The following ITGB8 variants were observed in gnomAD, a reference collection of about 807,000 sequenced individuals.
ITGB8 encodes integrin beta-8.
Under a neutral mutation model 89.5 loss-of-function variants are expected in ITGB8, and 30 were observed. The ratio of observed to expected loss-of-function variants is 0.34; its 90% CI spans 0.25 to 0.45. ITGB8 has a LOEUF of 0.45. Ranked by LOEUF, ITGB8 falls within the 20% of genes least tolerant of loss-of-function variation. The pLI is 1.00. For missense variants in ITGB8, 836 were observed against 933.3 expected (o/e 0.90, Z 1.36); for synonymous variants, 335 against 320.4 (o/e 1.05, Z -0.49).
chr7:20,396,762 A>C (rs1261633594), intron 8 of ITGB8, among the ~76,000 whole-genome samples: 1 of 152,216 alleles, frequency 6.6e-6, no homozygotes, highest in Non-Finnish European at 1.5e-5. Context: ...ACTCCAAAAA[A>C]AGTATATAAA....
intron 1 of ITGB8, among the ~76,000 whole-genome samples, chr7:20,359,368 A>C (rs1191971039): frequency 6.6e-6 from 1 of 152,254 alleles, no homozygotes; most frequent in East Asian, 1.9e-4. Flanking sequence ...TGCATATTGC[A>C]ACATCACTAG....
In ITGB8 at chr7:20,401,945, T is replaced by C. The variant is rs1247854681; in HGVS notation, c.1506T>C (p.Asp502=). 1 of 1,614,220 alleles carries C rather than the reference T, an allele frequency of 6.2e-7. No homozygotes were observed. Among genetic ancestry groups the C allele is most frequent in the Non-Finnish European group, 8.5e-7 (1 of 1,180,016 alleles). The part of the protein sequence containing the change: ...FQCDENKCHF[D]EDQFSSESCK... ...GTGATGAGAATAAATGTCATTTTGA[T>C]GAAGATCAGTTTTCTTCTGAGAGTT... The change falls in exon 10 of 14, where the codon GAT becomes GAC. Residue 502 remains aspartate, a synonymous_variant. Coordinates refer to ENST00000222573, the MANE Select transcript of ITGB8 (RefSeq NM_002214.3).
intron 9 of ITGB8, among the ~76,000 whole-genome samples, chr7:20,401,081 TCTCCTGC>T (rs113931991): frequency 0.023 from 3,499 of 152,166 alleles, 113 homozygotes; most frequent in African/African-American, 0.073. Flanking sequence ...TTCAAGCAAT[TCTCCTGC>T]CTCAGCCTCC....
At chr7:20,369,527 T>C (rs1244004617) in intron 3 of ITGB8, among the ~76,000 whole-genome samples, 1 of 152,136 alleles carries the variant, frequency 6.6e-6, no homozygotes, top group Non-Finnish European at 1.5e-5. Context: ...GTCGGCTCCA[T>C]CCTCATGACC....
chr7:20,386,452 G>A (rs914062469), intron 6 of ITGB8, among the ~76,000 whole-genome samples: 30 of 147,108 alleles, frequency 2.0e-4, no homozygotes, highest in African/African-American at 7.6e-4. Context: ...TAGAGACGGG[G>A]TTTCACTGTG....
intron 12 of ITGB8, among the ~76,000 whole-genome samples, chr7:20,407,142 C>T (rs1434920950): frequency 6.6e-6 from 1 of 152,042 alleles, no homozygotes; most frequent in Non-Finnish European, 1.5e-5. Context: ...GCCTTGACAG[C>T]CAATTTATTT....
At chr7:20,341,573 C>T (rs1784756531) in intron 1 of ITGB8, among the ~76,000 whole-genome samples, 1 of 152,124 alleles carries the variant, frequency 6.6e-6, no homozygotes, top group South Asian at 2.1e-4. Context: ...TATCCAAGGC[C>T]ACATGATACT....
At chr7:20,346,622 C>T in intron 1 of ITGB8, 1 of 760,336 alleles carries the variant, frequency 1.3e-6, no homozygotes, top group Non-Finnish European at 1.6e-6. Flanking sequence ...TCTGAGGAAG[C>T]CTGACTTAGT....
intron 1 of ITGB8, among the ~76,000 whole-genome samples, chr7:20,355,238 G>C (rs1213519575): frequency 6.6e-6 from 1 of 152,108 alleles, no homozygotes; most frequent in East Asian, 1.9e-4. Context: ...CTCCCAGGTG[G>C]GACAACTTTG....
chr7:20,345,968 A>C (rs903856828), intron 1 of ITGB8, among the ~76,000 whole-genome samples: 2 of 152,188 alleles, frequency 1.3e-5, no homozygotes. Flanking sequence ...TCAAGCAAGG[A>C]GGCAACATTT....
intron 3 of ITGB8, among the ~76,000 whole-genome samples, chr7:20,377,834 T>A (rs987428257): frequency 4.4e-4 from 67 of 152,316 alleles, no homozygotes; most frequent in African/African-American, 1.5e-3. Context: ...CTTATTATTT[T>A]GAATACAGTA....
intron 6 of ITGB8, among the ~76,000 whole-genome samples, chr7:20,391,173 G>A (rs1786838347): frequency 6.6e-6 from 1 of 151,880 alleles, no homozygotes; most frequent in Non-Finnish European, 1.5e-5. Context: ...GTTGAATTCA[G>A]CTCTCTTCAT....
rs1043941439 is a variant in ITGB8, at chr7:20,415,197, A to G, written c.*5200A>G. The G allele has an allele frequency of 2.0e-4, 31 of 152,340 alleles. No individual in the cohort carries two copies. Among genetic ancestry groups the G allele is most frequent in the Non-Finnish European group, 3.5e-4 (24 of 67,920 alleles). The allele number at this position is 152,340 out of a possible 1,614,324, so 9.4% of individuals were successfully genotyped here. A position where few individuals can be genotyped will look rare whatever the true frequency, so the allele number is the denominator to read the frequency against. ...AGAAAATATACATTTGCACATATTA[A>G]TATAGAAATTCATTTTGTGTATATT... is the stretch of plus-strand genomic sequence containing the variant. On this transcript the variant is annotated 3_prime_UTR_variant, in exon 14 of 14. Coordinates refer to ENST00000222573, the MANE Select transcript of ITGB8 (RefSeq NM_002214.3).
intron 10 of ITGB8, among the ~76,000 whole-genome samples, chr7:20,403,446 C>T (rs553831359): frequency 6.6e-6 from 1 of 152,204 alleles, no homozygotes; most frequent in African/African-American, 2.4e-5. Context: ...GACCCACAAG[C>T]AGTTGAGAAT....
chr7:20,332,348 A>G (rs1391694407), intron 1 of ITGB8, among the ~76,000 whole-genome samples: 1 of 152,212 alleles, frequency 6.6e-6, no homozygotes, highest in Non-Finnish European at 1.5e-5. Context: ...GAGGCTGTAG[A>G]TAAGTTGGTT....
intron 9 of ITGB8, among the ~76,000 whole-genome samples, chr7:20,399,458 T>C (rs577859902): frequency 3.9e-5 from 6 of 152,184 alleles, no homozygotes; most frequent in Admixed American, 3.3e-4. Context: ...AATTTCAAAA[T>C]CTTTCACTTT....
At chr7:20,368,615 A>C (rs1329812939) in intron 3 of ITGB8, among the ~76,000 whole-genome samples, 2 of 152,198 alleles carry the variant, frequency 1.3e-5, no homozygotes, top group African/African-American at 4.8e-5. Flanking sequence ...ATAAAGCTTA[A>C]CCTATATCAT....
At chr7:20,386,405 A>ATTTTTTTTTTTTTTTTTTTT (rs759304002) in intron 6 of ITGB8, among the ~76,000 whole-genome samples, 2 of 80,370 alleles carry the variant, frequency 2.5e-5, no homozygotes. Flanking sequence ...CACCTGGCTA[A>ATTTTTTTTTTTTTTTTTTTT]TTTTTTTTTT....
chr7:20,382,004 G>C (rs947839804), intron 6 of ITGB8, 119 bp downstream of exon 6: 1 of 805,600 alleles, frequency 1.2e-6, no homozygotes, highest in African/African-American at 1.7e-5. Flanking sequence ...TACAGAACAA[G>C]GATAAGCCAT....
Sources: gnomAD v4.1 joint callset for allele counts (sites outside exome capture counted in the v4.1 genomes callset) on GRCh38, gnomAD v4.1.1 for gene constraint, MANE v1.5 for transcripts, NCBI Gene and HGNC (gene_info 2026-07-23, HGNC 2026-07-21) for gene names.